Variants in NLE1 observed in about 807,000 individuals in gnomAD.
NLE1 encodes notchless homolog 1.
A neutral mutation model predicts 62.8 loss-of-function variants in NLE1; 37 were observed. The ratio of observed to expected loss-of-function variants is 0.59; its 90% CI spans 0.45 to 0.78. NLE1 has a LOEUF of 0.78. Ranked by LOEUF, NLE1 falls within the 30% of genes least tolerant of loss-of-function variation. The pLI is 0.00. For missense variants in NLE1, 555 were observed against 637.9 expected (o/e 0.87, Z 1.40); for synonymous variants, 243 against 253.0 (o/e 0.96, Z 0.37).
rs927941593 is a variant in NLE1, at chr17:35,132,175, C to G, written c.*262G>C. On this transcript the variant is annotated 3_prime_UTR_variant, in exon 13 of 13. Coordinates refer to ENST00000442241, the MANE Select transcript of NLE1 (RefSeq NM_018096.5). Reference sequence around the variant, plus strand: ...TGCCCACCACCCCTGTCTGTACCAGCAAGGTACAGAGTAGCAGACACGGGC... The same window carrying G: ...TGCCCACCACCCCTGTCTGTACCAGGAAGGTACAGAGTAGCAGACACGGGC... The G allele has an allele frequency of 8.9e-6, 3 of 335,234 alleles. No homozygotes were observed. Among genetic ancestry groups the G allele is most frequent in the Non-Finnish European group, 1.6e-5 (3 of 185,840 alleles). The allele number at this position is 335,234 out of a possible 1,614,324, so 20.8% of individuals were successfully genotyped here. A position where few individuals can be genotyped will look rare whatever the true frequency, so the allele number is the denominator to read the frequency against.
Position 35,130,483 on chromosome 17 carries a change from G to T in NLE1, c.*1954C>A. The T allele has an allele frequency of 6.3e-7, 1 of 1,582,626 alleles. No homozygotes were observed. ...TCACCTACTTTCAGCTTCAACCCCAGGCCCTCAGAAACCAGAGCCATGAGA... is the reference window on the plus strand; with the variant it reads ...TCACCTACTTTCAGCTTCAACCCCATGCCCTCAGAAACCAGAGCCATGAGA... On this transcript the variant is annotated 3_prime_UTR_variant, in exon 13 of 13. Coordinates refer to ENST00000442241, the MANE Select transcript of NLE1 (RefSeq NM_018096.5).
Position 35,135,401 on chromosome 17 carries a change from G to A in NLE1, c.1062C>T (p.Phe354=), listed in dbSNP as rs759310632. ...LVSGSDDFTL[F]LWSPAEDKKP... Reference sequence around the variant, plus strand: ...TTTTGTCCTCTGCTGGGGACCACAGGAATAAGGTGAAGTCGTCGGAGCCAG... The same window carrying A: ...TTTTGTCCTCTGCTGGGGACCACAGAAATAAGGTGAAGTCGTCGGAGCCAG... Residue 354 remains phenylalanine (F), a synonymous_variant, in exon 10 of 13, where the codon TTC becomes TTT. Coordinates refer to ENST00000442241, the MANE Select transcript of NLE1 (RefSeq NM_018096.5). 5.6e-6 allele frequency: 9 copies of A among 1,614,206 alleles called. No individual in the cohort carries two copies. In the Admixed American group the frequency reaches 6.7e-5, roughly 12 times the overall value.
Position 35,135,271 on chromosome 17 carries a change from G to T in NLE1, c.1192C>A (p.Leu398Met). The T allele has an allele frequency of 3.1e-6, 5 of 1,614,172 alleles. No homozygotes were observed. Among genetic ancestry groups the T allele is most frequent in the Non-Finnish European group, 4.2e-6 (5 of 1,180,030 alleles). Residue 398 changes from leucine to methionine, a missense_variant, in exon 10 of 13, where the codon CTG (leucine) becomes ATG (methionine). Physicochemically the swap from Leu to Met is conservative, Grantham distance 15 (BLOSUM62 2). Coordinates refer to ENST00000442241, the MANE Select transcript of NLE1 (RefSeq NM_018096.5). ...CACTTGCCCGTCCTGCCATCCCACA[G>T]CTTGATGGACTTGTCAAAGGAGGCA... ...ASASFDKSIK[L>M]WDGRTGKYLA...
chr17:35,137,803 G>C lies in NLE1; in HGVS notation c.537+11C>G, dbSNP rs1316785256. On this transcript the variant is annotated intron_variant, in intron 5 of 12. Coordinates refer to ENST00000442241, the MANE Select transcript of NLE1 (RefSeq NM_018096.5). ...TTGAGTCTCTGCCTAGTTACCCTGA[G>C]AACTACCTACCTGGCCATTCTTGCA... is the stretch of plus-strand genomic sequence containing the variant. 1 of 1,609,370 alleles carries C rather than the reference G, an allele frequency of 6.2e-7. No homozygotes were observed. Among genetic ancestry groups the C allele is most frequent in the South Asian group, 1.1e-5 (1 of 90,880 alleles).
At chr17:35,137,489 G>A in intron 6 of NLE1, 54 bp downstream of exon 6, 1 of 1,429,824 alleles carries the variant, frequency 7.0e-7, no homozygotes, top group Non-Finnish European at 9.7e-7. Flanking sequence ...GCAGGGAAAG[G>A]GGATGGCTTT....
At chr17:35,139,352 G>A (rs759973266) in intron 3 of NLE1, 38 bp from the exon 4 acceptor site, 4 of 1,517,104 alleles carry the variant, frequency 2.6e-6, no homozygotes, top group Non-Finnish European at 3.7e-6. Flanking sequence ...CTGCACATGT[G>A]CATTTGTGCC....
chr17:35,139,207 C>G, intron 4 of NLE1, 28 bp downstream of exon 4: 1 of 1,596,664 alleles, frequency 6.3e-7, no homozygotes, highest in Non-Finnish European at 8.6e-7. Context: ...AAAAAGAAGA[C>G]CCCCTAAATG....
In NLE1 at chr17:35,129,570, T is replaced by C; in HGVS notation, c.*2867A>G. The C allele has an allele frequency of 6.2e-7, 1 of 1,614,060 alleles. No individual in the cohort carries two copies. Among genetic ancestry groups the C allele is most frequent in the East Asian group, 2.2e-5 (1 of 44,890 alleles). On this transcript the variant is annotated 3_prime_UTR_variant, in exon 13 of 13. Coordinates refer to ENST00000442241, the MANE Select transcript of NLE1 (RefSeq NM_018096.5). ...AAGATTTTGGGCACTACTGTCAAGC[T>C]GATGGAGCTAAAGCCTAACACGTGT... is the stretch of plus-strand genomic sequence containing the variant.
At chr17:35,141,216 C>G (rs188479309) in intron 2 of NLE1, among the ~76,000 whole-genome samples, 2 of 152,156 alleles carry the variant, frequency 1.3e-5, no homozygotes, top group African/African-American at 4.8e-5. Flanking sequence ...CCTCCCCTGT[C>G]CCCAGGGCAG....
chr17:35,136,382 G>T lies in NLE1; in HGVS notation c.944C>A (p.Pro315His). Residue 315 changes from proline (P) to histidine (H), a missense_variant, in exon 8 of 13, where the codon CCC becomes CAC. By Grantham distance (77) the Pro-to-His change is moderately conservative. Transcript: ENST00000442241. ...AFEPAEASVN[P>H]QDLQGSLQEL... ...CTCACAGGATCCTTGGAGGTCTTGGGGATTAACTGAGGCCTCAGCAGGTTC... is the reference window on the plus strand; with the variant it reads ...CTCACAGGATCCTTGGAGGTCTTGGTGATTAACTGAGGCCTCAGCAGGTTC... The T allele has an allele frequency of 1.2e-6, 2 of 1,613,812 alleles. No individual in the cohort carries two copies. The highest frequency in any genetic ancestry group is 2.2e-5 in the South Asian group (2 of 91,068).
Position 35,133,169 on chromosome 17 carries a change from A to G in NLE1, c.1445+2T>C. The G allele has an allele frequency of 6.2e-7, 1 of 1,613,926 alleles. No individual in the cohort carries two copies. The highest frequency in any genetic ancestry group is 1.1e-5 in the South Asian group (1 of 91,086). On this transcript the variant is annotated splice_donor_variant, in intron 12 of 12. Transcript: ENST00000442241. LOFTEE classifies it high-confidence loss of function. ...GCCAACCACCACTTCCCCCACACTC[A>G]CATCCGGAGGCATTTGTCCTTCCCA...
intron 10 of NLE1, 97 bp downstream of exon 10, chr17:35,135,152 C>T: frequency 8.5e-7 from 1 of 1,169,620 alleles, no homozygotes. Context: ...CTTAGAAAAT[C>T]CAAACACCTG....
intron 6 of NLE1, 107 bp from the exon 7 acceptor site, chr17:35,137,300 T>C (rs2142506197): frequency 1.8e-6 from 2 of 1,115,482 alleles, no homozygotes; most frequent in Middle Eastern, 3.1e-4. Flanking sequence ...TTTGACAGCT[T>C]TTCTGACACC....
At chr17:35,139,614 T>C (rs992272364) in intron 3 of NLE1, among the ~76,000 whole-genome samples, 1 of 152,202 alleles carries the variant, frequency 6.6e-6, no homozygotes, top group Admixed American at 6.5e-5. Flanking sequence ...GTCACACAGC[T>C]CAGATCTTGA....
In NLE1 at chr17:35,140,003, T is replaced by C; in HGVS notation, c.226A>G (p.Thr76Ala). ...DAEIVSSLGK[T>A]LESQAVETEK... Reference sequence around the variant, plus strand: ...GTCTCCACTGCCTGGGACTCCAACGTCTTCCCCAGTGAGGAGACGATCTCA... The same window carrying C: ...GTCTCCACTGCCTGGGACTCCAACGCCTTCCCCAGTGAGGAGACGATCTCA... The change falls in exon 3 of 13, where the codon ACG (threonine) becomes GCG (alanine). Residue 76 changes from threonine (T) to alanine (A), a missense_variant. Transcript: ENST00000442241. The C allele has an allele frequency of 6.2e-7, 1 of 1,614,070 alleles. No individual in the cohort carries two copies.
intron 9 of NLE1, among the ~76,000 whole-genome samples, 176 bp from the exon 10 acceptor site, chr17:35,135,627 C>T (rs1442520659): frequency 2.0e-5 from 3 of 152,072 alleles, no homozygotes; most frequent in Admixed American, 2.0e-4. Context: ...CCAGGCAAGT[C>T]ACTTCATCCA....
Position 35,130,558 on chromosome 17 carries a change from T to A in NLE1, c.*1879A>T. Reference sequence around the variant, plus strand: ...GGGCCCGGGGTCTGGCAGAGTGGTATGGGCACCCCACCCCTGGGCTGGGGC... The same window carrying A: ...GGGCCCGGGGTCTGGCAGAGTGGTAAGGGCACCCCACCCCTGGGCTGGGGC... On this transcript the variant is annotated 3_prime_UTR_variant, in exon 13 of 13. Transcript: ENST00000442241. 9.7e-7 allele frequency: 1 copy of A among 1,035,056 alleles called. No homozygotes were observed. The highest frequency in any genetic ancestry group is 1.4e-6 in the Non-Finnish European group (1 of 726,264). The allele number at this position is 1,035,056 out of a possible 1,614,324, so 64.1% of individuals were successfully genotyped here.
chr17:35,137,928 C>T, intron 4 of NLE1, 38 bp from the exon 5 acceptor site: 1 of 1,521,908 alleles, frequency 6.6e-7, no homozygotes, highest in Non-Finnish European at 9.1e-7. Context: ...GGGACTACAT[C>T]TGTCTTTATC....
In NLE1 at chr17:35,130,007, G is replaced by C; in HGVS notation, c.*2430C>G. 7.2e-7 allele frequency: 1 copy of C among 1,385,126 alleles called. No individual in the cohort carries two copies. The allele number at this position is 1,385,126 out of a possible 1,614,324, so 85.8% of individuals were successfully genotyped here. On this transcript the variant is annotated 3_prime_UTR_variant, in exon 13 of 13. Coordinates refer to ENST00000442241, the MANE Select transcript of NLE1 (RefSeq NM_018096.5). ...AATAGGGAAGACAAGAGGCTAAAGG[G>C]GGACGAAGAAGGGAACAGCCTGGGT...
Sources: gnomAD v4.1 joint callset for allele counts (sites outside exome capture counted in the v4.1 genomes callset) on GRCh38, gnomAD v4.1.1 for gene constraint, MANE v1.5 for transcripts, NCBI Gene and HGNC (gene_info 2026-07-23, HGNC 2026-07-21) for gene names.